The following PLS1 variants were observed in gnomAD, a reference collection of about 807,000 sequenced individuals.
PLS1 encodes plastin 1.
Under a neutral mutation model 73.7 loss-of-function variants are expected in PLS1, and 32 were observed. That is an observed-to-expected ratio of 0.43 (90% CI 0.33 to 0.58). The LOEUF (loss-of-function observed/expected upper bound fraction) is 0.58. PLS1 is among the 20% of genes least tolerant of loss of function. The pLI is 0.04. For synonymous variants in PLS1, 217 were observed against 261.3 expected, an observed-to-expected ratio of 0.83 and a Z score of 1.63; for missense variants, 633 against 740.5, an observed-to-expected ratio of 0.85 and a Z score of 1.68.
intron 1 of PLS1, among the ~76,000 whole-genome samples, chr3:142,629,582 C>T (rs2036508896): frequency 6.6e-6 from 1 of 152,202 alleles, no homozygotes; most frequent in African/African-American, 2.4e-5. Flanking sequence ...AGGAAACTAA[C>T]TGGAGACCTG....
intron 1 of PLS1, among the ~76,000 whole-genome samples, chr3:142,605,163 C>A (rs1333768256): frequency 2.6e-5 from 4 of 152,188 alleles, no homozygotes; most frequent in Middle Eastern, 3.4e-3. Context: ...GATAATTAAA[C>A]AAGATAGTGG....
At chr3:142,690,334 A>T (rs2038061183) in intron 10 of PLS1, among the ~76,000 whole-genome samples, 1 of 152,178 alleles carries the variant, frequency 6.6e-6, no homozygotes, top group Non-Finnish European at 1.5e-5. Flanking sequence ...TACTGTATTT[A>T]GTACTTTTCT....
At chr3:142,683,638 C>T (rs1490706957) in intron 6 of PLS1, among the ~76,000 whole-genome samples, 1 of 152,192 alleles carries the variant, frequency 6.6e-6, no homozygotes, top group African/African-American at 2.4e-5. Context: ...TTAAAATTAT[C>T]TTAAAACCTA....
intron 1 of PLS1, among the ~76,000 whole-genome samples, chr3:142,625,745 G>A (rs866028372): frequency 1.3e-5 from 2 of 152,060 alleles, no homozygotes; most frequent in African/African-American, 4.8e-5. Flanking sequence ...GAGCTGAGGC[G>A]GGTGGATTGC....
chr3:142,633,154 C>T (rs2036602828), intron 1 of PLS1, among the ~76,000 whole-genome samples: 1 of 152,156 alleles, frequency 6.6e-6, no homozygotes, highest in Admixed American at 6.5e-5. Flanking sequence ...TGTATGATTC[C>T]ACTCATGTGA....
At chr3:142,670,491 A>C (rs2037582042) in intron 3 of PLS1, among the ~76,000 whole-genome samples, 4 of 152,048 alleles carry the variant, frequency 2.6e-5, no homozygotes, top group South Asian at 2.1e-4. Flanking sequence ...TTAAAAAAAA[A>C]CCCAATCACT....
chr3:142,655,066 C>T (rs1410143769), intron 1 of PLS1: 1 of 152,002 alleles, frequency 6.6e-6, no homozygotes. Context: ...AAGGAGCAAA[C>T]AATGATAGGA....
At chr3:142,686,236 G>C in intron 8 of PLS1, 48 bp from the exon 9 acceptor site, 1 of 1,090,676 alleles carries the variant, frequency 9.2e-7, no homozygotes, top group South Asian at 1.3e-5. Context: ...TAAATTCAAT[G>C]ATGATTTTAT....
chr3:142,664,164 A>G, intron 1 of PLS1, 38 bp from the exon 2 acceptor site: 1 of 814,686 alleles, frequency 1.2e-6, no homozygotes, highest in Non-Finnish European at 2.0e-6. Context: ...AATGTTTCCA[A>G]AGGCTTCATG....
intron 3 of PLS1, among the ~76,000 whole-genome samples, chr3:142,670,784 A>T (rs1353546837): frequency 6.6e-6 from 1 of 152,236 alleles, no homozygotes. Flanking sequence ...TTAGTTATAA[A>T]AAATTTATTC....
chr3:142,660,225 T>C (rs531875469), intron 1 of PLS1, among the ~76,000 whole-genome samples: 2 of 152,218 alleles, frequency 1.3e-5, no homozygotes, highest in East Asian at 3.9e-4. Context: ...ACTGTTACCA[T>C]TTTTTTGTAC....
chr3:142,596,448 T>C lies in PLS1; in HGVS notation c.-98T>C, dbSNP rs1188488318. The stretch of plus-strand genomic sequence containing the variant: ...CGGAGAGGTAGCCGCAGAGTGGACC[T>C]GCAGGTACTTGGATCTCCAGTGGGA... On this transcript the variant is annotated 5_prime_UTR_variant, in exon 1 of 16. Transcript: ENST00000457734. The C allele has an allele frequency of 6.6e-6, 1 of 152,338 alleles. No homozygotes were observed. Among genetic ancestry groups the C allele is most frequent in the South Asian group, 2.1e-4 (1 of 4,832 alleles). The allele number at this position is 152,338 out of a possible 1,614,324, so 9.4% of individuals were successfully genotyped here.
chr3:142,621,888 GC>G (rs757576413), intron 1 of PLS1, among the ~76,000 whole-genome samples: 105 of 152,310 alleles, frequency 6.9e-4, no homozygotes, highest in Middle Eastern at 3.4e-3. Flanking sequence ...CAGGACTACA[GC>G]CATCCGTAAG....
intron 6 of PLS1, among the ~76,000 whole-genome samples, chr3:142,680,428 A>T (rs1048497054): frequency 6.6e-6 from 1 of 152,230 alleles, no homozygotes; most frequent in Non-Finnish European, 1.5e-5. Flanking sequence ...TGAAGATTCA[A>T]GGTACTTTGG....
At chr3:142,663,359 A>G (rs1308666740) in intron 1 of PLS1, among the ~76,000 whole-genome samples, 1 of 152,212 alleles carries the variant, frequency 6.6e-6, no homozygotes, top group East Asian at 1.9e-4. Context: ...GTGAACACAC[A>G]CCACCTTGTG....
At chr3:142,629,401 C>T (rs1173223644) in intron 1 of PLS1, among the ~76,000 whole-genome samples, 1 of 152,138 alleles carries the variant, frequency 6.6e-6, no homozygotes. Flanking sequence ...CGGGGTTTCA[C>T]CATGTTGGCC....
intron 4 of PLS1, 116 bp from the exon 5 acceptor site, chr3:142,676,041 T>C (rs1156647139): frequency 5.0e-6 from 4 of 806,262 alleles, no homozygotes; most frequent in African/African-American, 1.8e-5. Flanking sequence ...TGGTCAATTA[T>C]TATCTTTGAG....
intron 1 of PLS1, among the ~76,000 whole-genome samples, chr3:142,636,530 G>T (rs1172227849): frequency 3.3e-5 from 5 of 152,176 alleles, no homozygotes; most frequent in Non-Finnish European, 5.9e-5. Flanking sequence ...AAATTTCAAA[G>T]ATACAACGCC....
intron 1 of PLS1, among the ~76,000 whole-genome samples, chr3:142,610,553 A>G (rs765717040): frequency 6.6e-6 from 1 of 152,134 alleles, no homozygotes; most frequent in Non-Finnish European, 1.5e-5. Context: ...TTCCCAAATG[A>G]ATTTTCCTGT....
Sources: allele counts gnomAD v4.1 joint callset (sites outside exome capture counted in the v4.1 genomes callset), GRCh38; gene constraint gnomAD v4.1.1; transcripts MANE v1.5; gene names NCBI Gene and HGNC (gene_info 2026-07-23, HGNC 2026-07-21).